PACSIN1: variants seen among roughly 807,000 people sequenced by gnomAD.
The protein encoded by PACSIN1 is protein kinase C and casein kinase substrate in neurons protein 1.
A neutral mutation model predicts 59.5 loss-of-function variants in PACSIN1; 15 were observed. The ratio of observed to expected loss-of-function variants is 0.25; its 90% CI spans 0.17 to 0.39. The LOEUF (loss-of-function observed/expected upper bound fraction) is 0.39, where lower values mean the gene tolerates loss of function less well. Among genes scored for constraint, PACSIN1 ranks in the 10% least tolerant of loss-of-function variants. The pLI is 1.00. For synonymous variants in PACSIN1, 210 were observed against 220.6 expected, an observed-to-expected ratio of 0.95 and a Z score of 0.42; for missense variants, 420 against 580.2, an observed-to-expected ratio of 0.72 and a Z score of 2.84.
At chr6:34,519,114 G>C (rs931389104) in intron 1 of PACSIN1, among the ~76,000 whole-genome samples, 21 of 152,148 alleles carry the variant, frequency 1.4e-4, no homozygotes, top group African/African-American at 4.8e-4. Flanking sequence ...CTAGGGAGGA[G>C]GAGGGGCCAG....
At chr6:34,528,003 G>T (rs1407137548) in intron 3 of PACSIN1, among the ~76,000 whole-genome samples, 1 of 152,256 alleles carries the variant, frequency 6.6e-6, no homozygotes, top group Non-Finnish European at 1.5e-5. Context: ...GCTAGTCCAG[G>T]ATCTAGTGCA....
At chr6:34,474,328 T>G (rs1766609158) in intron 1 of PACSIN1, among the ~76,000 whole-genome samples, 1 of 152,160 alleles carries the variant, frequency 6.6e-6, no homozygotes, top group Admixed American at 6.6e-5. Context: ...CTGCCTTCCC[T>G]TCTGAGCCTC....
At chr6:34,470,612 C>A (rs1766558595) in intron 1 of PACSIN1, among the ~76,000 whole-genome samples, 1 of 22,388 alleles carries the variant, frequency 4.5e-5, no homozygotes, top group Admixed American at 7.4e-4. Flanking sequence ...CCTCCCGGGC[C>A]CAAGGGATCC....
intron 1 of PACSIN1, among the ~76,000 whole-genome samples, chr6:34,480,146 T>A (rs537292871): frequency 1.3e-5 from 2 of 151,774 alleles, no homozygotes; most frequent in Admixed American, 1.3e-4. Flanking sequence ...GTTCTCTTTT[T>A]AAATTAACAT....
rs41312311 is a variant in PACSIN1, at chr6:34,531,801, G to A, written c.1225+14G>A. 1.3e-3 allele frequency: 2,014 copies of A among 1,546,728 alleles called. 1 individual carries two copies. Among genetic ancestry groups the A allele is most frequent in the Non-Finnish European group, 1.7e-3 (1,898 of 1,145,292 alleles). Reference sequence around the variant, plus strand: ...GCTTTAAGGCCGGTAGGACGGCTGGGCGGGGCAGTGCCTGAGAGAGGCTTG... The same window carrying A: ...GCTTTAAGGCCGGTAGGACGGCTGGACGGGGCAGTGCCTGAGAGAGGCTTG... On this transcript the variant is annotated intron_variant, in intron 9 of 9. Transcript: ENST00000244458. This position sits in a 1 kb window ranked among gnomAD's most constrained non-coding sequence, Gnocchi z 4.4.
intron 1 of PACSIN1, among the ~76,000 whole-genome samples, chr6:34,468,238 G>GTTCT: frequency 6.6e-6 from 1 of 152,298 alleles, no homozygotes; most frequent in African/African-American, 2.4e-5. Flanking sequence ...GCCAACAAGG[G>GTTCT]TTCTGGCTTA....
chr6:34,511,194 A>G (rs1767197283), intron 1 of PACSIN1, among the ~76,000 whole-genome samples: 1 of 152,226 alleles, frequency 6.6e-6, no homozygotes, highest in Admixed American at 6.5e-5. Flanking sequence ...AGAAACTAGC[A>G]TGGGATTTAG....
rs1767267395 is a variant in PACSIN1 at position 34,515,051 on chromosome 6, G to C, written c.-63-11192G>C. 6.6e-6 allele frequency: 1 copy of C among 152,346 alleles called. No homozygotes were observed. Among genetic ancestry groups the C allele is most frequent in the South Asian group, 2.1e-4 (1 of 4,836 alleles). The allele number at this position is 152,346 out of a possible 1,614,324, so 9.4% of individuals were successfully genotyped here. A position where few individuals can be genotyped will look rare whatever the true frequency, so the allele number is the denominator to read the frequency against. ...TAAGCTCCTACTTGCCCCCAGCTTG[G>C]TGCCCACACGGGCCCAGGTAGGCAT... is the stretch of plus-strand genomic sequence containing the variant. On this transcript the variant is annotated intron_variant, in intron 1 of 9. Coordinates refer to ENST00000244458, the MANE Select transcript of PACSIN1 (RefSeq NM_020804.5). The surrounding 1 kb of genome is among the most constrained non-coding windows in gnomAD (Gnocchi z 4.4).
At chr6:34,526,977 TATA>T (rs1220081963) in intron 2 of PACSIN1, among the ~76,000 whole-genome samples, 4 of 152,202 alleles carry the variant, frequency 2.6e-5, no homozygotes, top group Non-Finnish European at 5.9e-5. Context: ...TATGACTCTA[TATA>T]AATATAATAG....
intron 1 of PACSIN1, among the ~76,000 whole-genome samples, chr6:34,495,583 G>A (rs1430404626): frequency 6.6e-6 from 1 of 151,942 alleles, no homozygotes; most frequent in Non-Finnish European, 1.5e-5. Context: ...CTCCTGAGTA[G>A]CTGGGATTAC....
In PACSIN1 at chr6:34,528,715, C is replaced by T. The variant is rs1767533320; in HGVS notation, c.294C>T (p.His98=). 1.9e-6 allele frequency: 3 copies of T among 1,613,956 alleles called. No individual in the cohort carries two copies. The East Asian group carries it at 6.7e-5, about 36-fold the overall frequency. Residue 98 remains histidine, a synonymous_variant, in exon 4 of 10, where the codon CAC becomes CAT. Transcript: ENST00000244458. The part of the protein sequence containing the change: ...MTEADKVSEL[H]QEVKNNLLNE... ...AGGCAGACAAGGTGAGCGAGCTGCA[C>T]CAGGAGGTGAAGAACAATCTGCTGA...
chr6:34,517,131 C>G (rs1423695976), intron 1 of PACSIN1, among the ~76,000 whole-genome samples: 1 of 152,216 alleles, frequency 6.6e-6, no homozygotes, highest in Non-Finnish European at 1.5e-5. Flanking sequence ...CTCTGTCTGC[C>G]AGCTGCTCTG....
intron 1 of PACSIN1, among the ~76,000 whole-genome samples, chr6:34,496,941 CTTT>C (rs11464603): frequency 4.0e-5 from 4 of 100,806 alleles, no homozygotes; most frequent in African/African-American, 1.6e-4. Flanking sequence ...CTCTCTCTCT[CTTT>C]TTTTTTTTTT....
chr6:34,503,266 C>CAAAAAA (rs200906223), intron 1 of PACSIN1, among the ~76,000 whole-genome samples: 1 of 68,612 alleles, frequency 1.5e-5, no homozygotes. Flanking sequence ...GAGATCCTGT[C>CAAAAAA]AAAAAAAAAA....
intron 1 of PACSIN1, among the ~76,000 whole-genome samples, chr6:34,474,453 A>G (rs113705796): frequency 1.0e-3 from 156 of 152,214 alleles, no homozygotes; most frequent in South Asian, 5.2e-3. Context: ...TTCCTCTGCT[A>G]AAGCTCTTCA....
chr6:34,512,051 G>A (rs566437824), intron 1 of PACSIN1, among the ~76,000 whole-genome samples: 3 of 152,036 alleles, frequency 2.0e-5, no homozygotes, highest in South Asian at 4.2e-4. Flanking sequence ...GTGTGTATGC[G>A]TATGTGCATG....
rs1289271498 is a variant in PACSIN1 at position 34,532,573 on chromosome 6, G to T, written c.*43G>T. 9.2e-7 allele frequency: 1 copy of T among 1,092,694 alleles called. No individual in the cohort carries two copies. The highest frequency in any genetic ancestry group is 1.4e-5 in the South Asian group (1 of 70,268). 67.7% of individuals were successfully genotyped at this position (1,092,694 alleles called of 1,614,324 possible). A position where few individuals can be genotyped will look rare whatever the true frequency, so the allele number is the denominator to read the frequency against. On this transcript the variant is annotated 3_prime_UTR_variant, in exon 10 of 10. Transcript: ENST00000244458. The surrounding 1 kb of genome is among the most constrained non-coding windows in gnomAD (Gnocchi z 5.2). ...ACTCCCGTCACTCCTCCCCACTGCC[G>T]CCCCTCCCCTCCCACTCTCGTCTCC...
At chr6:34,480,939 T>C (rs547728813) in intron 1 of PACSIN1, among the ~76,000 whole-genome samples, 9 of 152,224 alleles carry the variant, frequency 5.9e-5, no homozygotes, top group Admixed American at 3.3e-4. Flanking sequence ...AATTTAGTTT[T>C]CATTATCATT....
At chr6:34,520,269 G>A (rs548557514) in intron 1 of PACSIN1, among the ~76,000 whole-genome samples, 68 of 152,318 alleles carry the variant, frequency 4.5e-4, no homozygotes, top group Non-Finnish European at 9.0e-4. Context: ...TGAGCCTGTC[G>A]GTCTATCTCT....
Sources: gnomAD v4.1 joint callset for allele counts (sites outside exome capture counted in the v4.1 genomes callset) on GRCh38, gnomAD v4.1.1 for gene constraint, Gnocchi (gnomAD v3.1) non-coding constraint, MANE v1.5 for transcripts, NCBI Gene and HGNC (gene_info 2026-07-23, HGNC 2026-07-21) for gene names.